Variants in TRAPPC3 observed in about 807,000 individuals in gnomAD.
The protein encoded by TRAPPC3 is trafficking protein particle complex 3.
TRAPPC3 carries 5 observed loss-of-function variants against 18.2 expected under a neutral mutation model. The ratio of observed to expected loss-of-function variants is 0.28; its 90% CI spans 0.14 to 0.58. TRAPPC3 has a LOEUF of 0.58. Among genes scored for constraint, TRAPPC3 ranks in the 20% least tolerant of loss-of-function variants. The pLI is 0.91. For missense variants in TRAPPC3, 176 were observed against 225.9 expected (o/e 0.78, Z 1.41); for synonymous variants, 65 against 84.2 (o/e 0.77, Z 1.25).
chr1:36,145,206 C>T (rs6425965), intron 1 of TRAPPC3, among the ~76,000 whole-genome samples: 135,058 of 149,364 alleles, frequency 0.9, 61,232 homozygotes, highest in East Asian at 0.99. Flanking sequence ...TATTTTTTTT[C>T]TTTTAGTAGA....
chr1:36,151,783 C>T (rs1028057913), upstream of TRAPPC3, among the ~76,000 whole-genome samples: 2 of 152,156 alleles, frequency 1.3e-5, no homozygotes, highest in Admixed American at 1.3e-4. Flanking sequence ...GAAAACAACA[C>T]AAGGGATAGC....
upstream of TRAPPC3, among the ~76,000 whole-genome samples, chr1:36,150,157 G>T (rs1644257733): frequency 6.6e-6 from 1 of 152,198 alleles, no homozygotes; most frequent in African/African-American, 2.4e-5. Context: ...AACTGTCGTG[G>T]CCGTCAGTTC....
At chr1:36,151,016 G>C (rs1345130994), upstream of TRAPPC3, among the ~76,000 whole-genome samples, 3 of 152,190 alleles carry the variant, frequency 2.0e-5, no homozygotes, top group Admixed American at 2.0e-4. Flanking sequence ...CCTGCCTGCT[G>C]TCAAGCAGGG....
In TRAPPC3 at chr1:36,137,175, G is replaced by C. The variant is rs1330580372; in HGVS notation, c.*28C>G. On this transcript the variant is annotated 3_prime_UTR_variant, in exon 5 of 5. Transcript: ENST00000373166. ...GCCTGCTGATTCCAACAGTGCTCCT[G>C]ATGGCTATCCTCGAGTTGTAGGGAT... 4 of 1,595,106 alleles carry C rather than the reference G, an allele frequency of 2.5e-6. No individual in the cohort carries two copies. The highest frequency in any genetic ancestry group is 2.6e-6 in the Non-Finnish European group (3 of 1,164,288).
At chr1:36,148,010 C>A (rs1210717223) in intron 1 of TRAPPC3, among the ~76,000 whole-genome samples, 1 of 152,198 alleles carries the variant, frequency 6.6e-6, no homozygotes, top group Admixed American at 6.5e-5. Context: ...GAAACATTTA[C>A]CATGCCCCTC....
At chr1:36,143,684 G>A (rs1181916156) in intron 1 of TRAPPC3, among the ~76,000 whole-genome samples, 8 of 152,112 alleles carry the variant, frequency 5.3e-5, no homozygotes, top group African/African-American at 1.9e-4. Flanking sequence ...TAACAACCAC[G>A]AGAGGTTAGC....
At chr1:36,138,222 A>G in intron 3 of TRAPPC3, 1 of 1,545,198 alleles carries the variant, frequency 6.5e-7, no homozygotes, top group Middle Eastern at 1.7e-4. Context: ...TCCCAGAAAC[A>G]TTTTTCTTTC....
At chr1:36,138,336 G>T in intron 3 of TRAPPC3, 1 of 1,350,572 alleles carries the variant, frequency 7.4e-7, no homozygotes, top group Non-Finnish European at 1.0e-6. Flanking sequence ...GAGTGCAGAG[G>T]CCCTAACCCA....
intron 1 of TRAPPC3, among the ~76,000 whole-genome samples, chr1:36,147,462 G>T (rs1165149796): frequency 6.9e-6 from 1 of 144,438 alleles, no homozygotes; most frequent in Admixed American, 7.1e-5. Context: ...GGCAACACAG[G>T]GAGACCCCTA....
At chr1:36,147,503 G>C (rs371147308) in intron 1 of TRAPPC3, among the ~76,000 whole-genome samples, 1 of 150,976 alleles carries the variant, frequency 6.6e-6, no homozygotes, top group African/African-American at 2.4e-5. Flanking sequence ...AATTAGCCAG[G>C]CATGGTGGTG....
At position 36,149,394 on chromosome 1, in the gene TRAPPC3, G is replaced by A. The variant is rs766327191; in HGVS notation, c.-16C>T. 2.5e-6 allele frequency: 4 copies of A among 1,612,100 alleles called. No homozygotes were observed. The highest frequency in any genetic ancestry group is 2.7e-5 in the African/African-American group (2 of 74,862). ...GCCTCGACATGGTGCCGGCCGCCCC[G>A]CCCCACTCGCCTAGCCACGGGTTAG... is the stretch of plus-strand genomic sequence containing the variant. On this transcript the variant is annotated 5_prime_UTR_variant, in exon 1 of 5. Coordinates refer to ENST00000373166, the MANE Select transcript of TRAPPC3 (RefSeq NM_014408.5).
At chr1:36,140,500 G>C (rs756017148) in intron 1 of TRAPPC3, 2 of 223,428 alleles carry the variant, frequency 9.0e-6, no homozygotes, top group African/African-American at 4.5e-5. Context: ...TGGGAGCAAC[G>C]GTCATTCACT....
chr1:36,153,251 G>A (rs1322101319), upstream of TRAPPC3, among the ~76,000 whole-genome samples: 3 of 152,214 alleles, frequency 2.0e-5, no homozygotes, highest in Non-Finnish European at 4.4e-5. Context: ...CTCAGAGAGA[G>A]ACACTCTTAA....
At chr1:36,137,372 A>G in intron 4 of TRAPPC3, 50 bp from the exon 5 acceptor site, 2 of 1,586,992 alleles carry the variant, frequency 1.3e-6, no homozygotes, top group Non-Finnish European at 1.7e-6. Context: ...CACAGCCTCT[A>G]GGGAACCAGT....
At chr1:36,145,909 G>A (rs920074168) in intron 1 of TRAPPC3, among the ~76,000 whole-genome samples, 5 of 151,946 alleles carry the variant, frequency 3.3e-5, no homozygotes, top group Admixed American at 3.3e-4. Context: ...GAGTAGCTGG[G>A]ACTACAGGCG....
chr1:36,138,370 A>G (rs1181767041), intron 3 of TRAPPC3: 2 of 976,334 alleles, frequency 2.0e-6, no homozygotes, highest in Non-Finnish European at 3.0e-6. Flanking sequence ...TGTCTGTGCT[A>G]CCTGAATGCA....
chr1:36,152,912 A>G (rs1000075580), upstream of TRAPPC3, among the ~76,000 whole-genome samples: 4 of 152,210 alleles, frequency 2.6e-5, no homozygotes, highest in African/African-American at 9.6e-5. Context: ...CTGGCCTCCC[A>G]AAGTGCTGGG....
intron 3 of TRAPPC3, among the ~76,000 whole-genome samples, chr1:36,138,790 G>A (rs1481128964): frequency 6.6e-6 from 1 of 152,068 alleles, no homozygotes; most frequent in African/African-American, 2.4e-5. Context: ...CAGCACTTTG[G>A]GAGGCCGAGG....
chr1:36,152,228 T>C (rs1180711630), upstream of TRAPPC3, among the ~76,000 whole-genome samples: 5 of 151,956 alleles, frequency 3.3e-5, no homozygotes, highest in South Asian at 1.0e-3. Context: ...CCCACCAAAC[T>C]AGGAGGCTGA....
Sources: allele counts gnomAD v4.1 joint callset (sites outside exome capture counted in the v4.1 genomes callset), GRCh38; gene constraint gnomAD v4.1.1; transcripts MANE v1.5; gene names NCBI Gene and HGNC (gene_info 2026-07-23, HGNC 2026-07-21).